The following SLC22A25 variants were observed in gnomAD, a reference collection of about 807,000 sequenced individuals.
SLC22A25 encodes solute carrier family 22 member 25, also known as MGI:2442751, MGI:2385316, MGI:3042283, MGI:3645714, MGI:3605624, MGI:2442750.
Under a neutral mutation model 45.9 loss-of-function variants are expected in SLC22A25, and 44 were observed. That is an observed-to-expected ratio of 0.96 (90% CI 0.75 to 1.23). The LOEUF (loss-of-function observed/expected upper bound fraction) is 1.23, where lower values mean the gene tolerates loss of function less well. SLC22A25 is among the 50% of genes most tolerant of loss of function. SLC22A25 has a pLI of 0.00. For missense variants in SLC22A25, 800 were observed against 666.4 expected (o/e 1.20, Z -2.21); for synonymous variants, 283 against 238.6 (o/e 1.19, Z -1.72).
At chr11:63,228,154 G>T (rs991312170) in intron 5 of SLC22A25, among the ~76,000 whole-genome samples, 3 of 151,974 alleles carry the variant, frequency 2.0e-5, no homozygotes, top group African/African-American at 4.8e-5. Context: ...TATTCCTGTG[G>T]GGAGGACAAT....
intron 8 of SLC22A25, among the ~76,000 whole-genome samples, chr11:63,181,174 G>T (rs2088305635): frequency 6.6e-6 from 1 of 152,088 alleles, no homozygotes; most frequent in African/African-American, 2.4e-5. Flanking sequence ...CAGTTTGCCT[G>T]CCTCAGGAAA....
intron 1 of SLC22A25, among the ~76,000 whole-genome samples, chr11:63,239,746 G>A (rs1459744472): frequency 6.6e-6 from 1 of 152,190 alleles, no homozygotes; most frequent in Non-Finnish European, 1.5e-5. Flanking sequence ...GGGTAGTGAA[G>A]GAGGGCAGAG....
chr11:63,237,764 G>A (rs981322265), intron 3 of SLC22A25, among the ~76,000 whole-genome samples, 117 bp downstream of exon 3: 1 of 152,140 alleles, frequency 6.6e-6, no homozygotes, highest in Non-Finnish European at 1.5e-5. Context: ...CACACAGATT[G>A]TAGTACTCCA....
At chr11:63,178,405 T>G (rs1455970080) in intron 9 of SLC22A25, among the ~76,000 whole-genome samples, 1 of 152,120 alleles carries the variant, frequency 6.6e-6, no homozygotes, top group Non-Finnish European at 1.5e-5. Context: ...TTGTTTTGCA[T>G]AGTGGCTGTA....
At chr11:63,215,307 T>G (rs2134811240) in intron 7 of SLC22A25, among the ~76,000 whole-genome samples, 2 of 152,240 alleles carry the variant, frequency 1.3e-5, no homozygotes, top group Middle Eastern at 3.4e-3. Context: ...CTGGAAACCA[T>G]CATTCTCAGC....
In SLC22A25 at chr11:63,210,219, G is replaced by T. The variant is rs1590871970; in HGVS notation, c.830+7095C>A. Among the ~76,000 whole-genome samples, 2 of 152,192 alleles carry T rather than the reference G, an allele frequency of 1.3e-5. 1 individual carries two copies. The highest frequency in any genetic ancestry group is 4.8e-5 in the African/African-American group (2 of 41,444). On this transcript the variant is annotated intron_variant, in intron 7 of 11. Coordinates refer to ENST00000306494, the MANE Select transcript of SLC22A25 (RefSeq NM_199352.6). Reference sequence around the variant, plus strand: ...AAACCTTCAGAAGCCGGAAGGCTTTGCAGGGAAACACATTAGTGAACTCCT... The same window carrying T: ...AAACCTTCAGAAGCCGGAAGGCTTTTCAGGGAAACACATTAGTGAACTCCT...
intron 9 of SLC22A25, among the ~76,000 whole-genome samples, chr11:63,173,734 C>G (rs2087977320): frequency 1.3e-5 from 2 of 152,232 alleles, no homozygotes; most frequent in East Asian, 1.9e-4. Flanking sequence ...GTACATTTCT[C>G]TCTCTGTGCA....
At chr11:63,230,756 A>C (rs2090052471) in intron 3 of SLC22A25, among the ~76,000 whole-genome samples, 1 of 152,130 alleles carries the variant, frequency 6.6e-6, no homozygotes, top group Admixed American at 6.5e-5. Flanking sequence ...ACCCATTAAC[A>C]AGTCATTTAC....
At chr11:63,211,778 C>T (rs2089570470) in intron 7 of SLC22A25, among the ~76,000 whole-genome samples, 1 of 152,078 alleles carries the variant, frequency 6.6e-6, no homozygotes, top group Admixed American at 6.5e-5. Flanking sequence ...ATGTCTAAAA[C>T]ACCAAAAGCA....
At chr11:63,185,874 C>T (rs2088519793) in intron 7 of SLC22A25, among the ~76,000 whole-genome samples, 1 of 149,704 alleles carries the variant, frequency 6.7e-6, no homozygotes, top group Non-Finnish European at 1.5e-5. Context: ...GACGTGAACT[C>T]ATCATTTTTT....
chr11:63,198,490 T>TGGTCTCACTCATA (rs1449529027), intron 7 of SLC22A25, among the ~76,000 whole-genome samples: 1 of 152,102 alleles, frequency 6.6e-6, no homozygotes, highest in East Asian at 1.9e-4. Flanking sequence ...AAACACCACA[T>TGGTCTCACTCATA]GGTCTCACTC....
At position 63,229,553 on chromosome 11, in the gene SLC22A25, G is replaced by A. The variant is rs1171525605; in HGVS notation, c.100C>T (p.Gln34Ter). 2 of 1,613,990 alleles carry A rather than the reference G, an allele frequency of 1.2e-6. No homozygotes were observed. Among genetic ancestry groups the A allele is most frequent in the Non-Finnish European group, 1.7e-6 (2 of 1,179,990 alleles). ...GCTGCGAAGTTCTCCAGCTGAGTTT[G>A]ATGGTATACTATGACGTTGAACATT... ...LIMFNVIVYH[Q>*]TQLENFAAFI... is the part of the protein sequence containing the mutation. The change falls in exon 4 of 12, where the codon CAA becomes TAA. Residue 34 changes from glutamine to a stop codon, truncating the protein, a stop_gained. Coordinates refer to ENST00000306494, the MANE Select transcript of SLC22A25 (RefSeq NM_199352.6). LOFTEE classifies it high-confidence loss of function.
At chr11:63,224,146 C>A (rs142064888) in intron 5 of SLC22A25, among the ~76,000 whole-genome samples, 3 of 152,096 alleles carry the variant, frequency 2.0e-5, no homozygotes, top group South Asian at 4.1e-4. Context: ...CAATGTTGTG[C>A]GTATATATTT....
chr11:63,195,214 G>A (rs924728948), intron 7 of SLC22A25, among the ~76,000 whole-genome samples: 2 of 152,104 alleles, frequency 1.3e-5, no homozygotes, highest in Admixed American at 6.5e-5. Context: ...ATGTTAACAA[G>A]GATATACAGG....
In SLC22A25 at chr11:63,228,455, A is replaced by T; in HGVS notation, c.506+6T>A. The T allele has an allele frequency of 6.3e-7, 1 of 1,592,914 alleles. No individual in the cohort carries two copies. Among genetic ancestry groups the T allele is most frequent in the Non-Finnish European group, 8.6e-7 (1 of 1,161,426 alleles). On this transcript the variant is annotated splice_donor_region_variant and intron_variant, in intron 5 of 11. Coordinates refer to ENST00000306494, the MANE Select transcript of SLC22A25 (RefSeq NM_199352.6). ...TTGAAGAGAGCTATGCTCCATAGACACTCACCTGTCTGACAAATGGCCATA... is the reference window on the plus strand; with the variant it reads ...TTGAAGAGAGCTATGCTCCATAGACTCTCACCTGTCTGACAAATGGCCATA...
chr11:63,176,092 G>A (rs2088079115), intron 9 of SLC22A25, among the ~76,000 whole-genome samples: 1 of 151,994 alleles, frequency 6.6e-6, no homozygotes, highest in African/African-American at 2.4e-5. Flanking sequence ...CCATCTTTAT[G>A]CAAGTACCAT....
At chr11:63,182,017 C>T (rs564892271) in intron 8 of SLC22A25, among the ~76,000 whole-genome samples, 6 of 152,170 alleles carry the variant, frequency 3.9e-5, no homozygotes, top group African/African-American at 1.4e-4. Flanking sequence ...TTGCTATTGA[C>T]ATAAAGTGGA....
At chr11:63,170,855 C>T (rs1297466119) in intron 9 of SLC22A25, among the ~76,000 whole-genome samples, 1 of 151,768 alleles carries the variant, frequency 6.6e-6, no homozygotes, top group Admixed American at 6.6e-5. Context: ...GGCAGAGACA[C>T]AACCAGAAAA....
At chr11:63,232,301 T>G (rs1487215882) in intron 3 of SLC22A25, among the ~76,000 whole-genome samples, 5 of 152,182 alleles carry the variant, frequency 3.3e-5, no homozygotes, top group Non-Finnish European at 5.9e-5. Flanking sequence ...TATCCTCTTT[T>G]ATTTGATTGA....
Sources: gnomAD v4.1 joint callset for allele counts (sites outside exome capture counted in the v4.1 genomes callset) on GRCh38, gnomAD v4.1.1 for gene constraint, MANE v1.5 for transcripts, NCBI Gene and HGNC (gene_info 2026-07-23, HGNC 2026-07-21) for gene names.